Variants in PCIF1 observed in about 807,000 individuals in gnomAD.
The protein encoded by PCIF1 is phosphorylated CTD interacting factor 1.
A neutral mutation model predicts 86.9 loss-of-function variants in PCIF1; 12 were observed. The observed-to-expected ratio is 0.14, with a 90% CI of 0.09 to 0.22. The LOEUF is 0.22. PCIF1 is among the 10% of genes least tolerant of loss of function. The pLI, the probability that PCIF1 is intolerant of heterozygous loss-of-function variation, is 1.00. For synonymous variants in PCIF1, 397 were observed against 372.0 expected, an observed-to-expected ratio of 1.07 and a Z score of -0.77; for missense variants, 701 against 951.1, an observed-to-expected ratio of 0.74 and a Z score of 3.46.
chr20:45,935,193 T>TGCGCGCGC (rs57434270), intron 1 of PCIF1, among the ~76,000 whole-genome samples: 3 of 144,698 alleles, frequency 2.1e-5, no homozygotes, highest in Non-Finnish European at 4.5e-5. Flanking sequence ...GAGGGGAAGG[T>TGCGCGCGC]GCGCGCGCGC....
At chr20:45,935,720 C>T (rs1367051840) in intron 1 of PCIF1, among the ~76,000 whole-genome samples, 1 of 151,938 alleles carries the variant, frequency 6.6e-6, no homozygotes, top group African/African-American at 2.4e-5. Flanking sequence ...ATCCTGTCTC[C>T]CAGTCACTCT....
intron 4 of PCIF1, 152 bp from the exon 5 acceptor site, chr20:45,940,323 A>G: frequency 1.0e-6 from 1 of 965,672 alleles, no homozygotes; most frequent in South Asian, 2.5e-5. Context: ...AGTTGCAGGC[A>G]GGACTGGAGC....
Position 45,943,683 on chromosome 20 carries a change from G to C in PCIF1, c.923G>C (p.Ser308Thr). The part of the protein sequence containing the change: ...LIESRSASPD[S>T]RKVVKWNVED... ...ACTGGCAGGAGTGCATCCCCTGACAGTAGGAAGGTGGTCAAATGGAATGTG... is the reference window on the plus strand; with the variant it reads ...ACTGGCAGGAGTGCATCCCCTGACACTAGGAAGGTGGTCAAATGGAATGTG... The change falls in exon 10 of 17, where the codon AGT becomes ACT. Residue 308 changes from serine to threonine, a missense_variant. Ser to Thr is a moderately conservative substitution (Grantham distance 58). Around this residue, in one of 7 missense-constraint regions of PCIF1, gnomAD observed 129 missense variants for 245.9 expected, o/e 0.52. Transcript: ENST00000372409. The surrounding 1 kb of genome is among the most constrained non-coding windows in gnomAD (Gnocchi z 5.5). 6.4e-7 allele frequency: 1 copy of C among 1,561,568 alleles called. No homozygotes were observed. Among genetic ancestry groups the C allele is most frequent in the Non-Finnish European group, 8.7e-7 (1 of 1,152,172 alleles).
rs2083495506 is a variant in PCIF1 at position 45,943,584 on chromosome 20, G to A, written c.906-82G>A. Reference sequence around the variant, plus strand: ...AGGGCTGTGATGGAAGCTAGGGGTTGATACCCAGCGAGCCCATGGAATTGG... The same window carrying A: ...AGGGCTGTGATGGAAGCTAGGGGTTAATACCCAGCGAGCCCATGGAATTGG... On this transcript the variant is annotated intron_variant, in intron 9 of 16. Transcript: ENST00000372409. The surrounding 1 kb of genome is among the most constrained non-coding windows in gnomAD (Gnocchi z 5.5). 1 of 1,406,406 alleles carries A rather than the reference G, an allele frequency of 7.1e-7. No individual in the cohort carries two copies. Among genetic ancestry groups the A allele is most frequent in the African/African-American group, 1.4e-5 (1 of 70,134 alleles). The allele number at this position is 1,406,406 out of a possible 1,614,324, so 87.1% of individuals were successfully genotyped here.
Position 45,943,539 on chromosome 20 carries a change from C to T in PCIF1, c.905+116C>T. 7.5e-7 allele frequency: 1 copy of T among 1,341,072 alleles called. No individual in the cohort carries two copies. Among genetic ancestry groups the T allele is most frequent in the Non-Finnish European group, 1.0e-6 (1 of 966,928 alleles). The allele number at this position is 1,341,072 out of a possible 1,614,324, so 83.1% of individuals were successfully genotyped here. ...TTGCTCTCGGTGGCAGAAGTGGGGCCAGCTCCCAAAGGCAGAACAAGGGCT... is the reference window on the plus strand; with the variant it reads ...TTGCTCTCGGTGGCAGAAGTGGGGCTAGCTCCCAAAGGCAGAACAAGGGCT... On this transcript the variant is annotated intron_variant, in intron 9 of 16. Transcript: ENST00000372409. The surrounding 1 kb of genome is among the most constrained non-coding windows in gnomAD (Gnocchi z 5.5).
rs1600509898 is a variant in PCIF1 at position 45,946,308 on chromosome 20, G to A, written c.1537G>A (p.Ala513Thr). 5 of 1,613,942 alleles carry A rather than the reference G, an allele frequency of 3.1e-6. No individual in the cohort carries two copies. The highest frequency in any genetic ancestry group is 3.3e-5 in the Admixed American group (2 of 60,006). Residue 513 changes from alanine (A) to threonine (T), a missense_variant, in exon 14 of 17, where the codon GCC (alanine) becomes ACC (threonine). Around this residue, in one of 7 missense-constraint regions of PCIF1, gnomAD observed 61 missense variants for 118.5 expected, o/e 0.51. Transcript: ENST00000372409. ...RLFGVSFECFASPLNCYFRQY... is the reference protein window; with the variant it reads ...RLFGVSFECFTSPLNCYFRQY... ...CTTTGGCGTCAGCTTCGAGTGCTTC[G>A]CCTCACCCCTCAACTGCTACTTCCG...
chr20:45,938,942 G>A (rs550567225), intron 2 of PCIF1, 39 bp from the exon 3 acceptor site: 6 of 1,604,624 alleles, frequency 3.7e-6, no homozygotes, highest in Admixed American at 1.7e-5. Context: ...TGGCGGGTGA[G>A]GGGGTGGAGC....
At chr20:45,944,234 T>C (rs900162986) in intron 10 of PCIF1, among the ~76,000 whole-genome samples, 32 of 152,184 alleles carry the variant, frequency 2.1e-4, no homozygotes, top group African/African-American at 2.4e-5. Flanking sequence ...AGCAATGGGC[T>C]TTCTTTTCAG....
intron 2 of PCIF1, among the ~76,000 whole-genome samples, chr20:45,938,548 A>G (rs2083444366): frequency 6.6e-6 from 1 of 152,194 alleles, no homozygotes; most frequent in South Asian, 2.1e-4. Flanking sequence ...TGAGCACAGG[A>G]GAGAGCTGAA....
At chr20:45,939,938 C>G (rs943812949) in intron 4 of PCIF1, among the ~76,000 whole-genome samples, 1 of 152,150 alleles carries the variant, frequency 6.6e-6, no homozygotes, top group Non-Finnish European at 1.5e-5. Context: ...TGTGAAGACA[C>G]TGAGGTTCAA....
chr20:45,940,971 C>T (rs758126743), intron 6 of PCIF1, 32 bp downstream of exon 6: 1 of 1,613,990 alleles, frequency 6.2e-7, no homozygotes, highest in Admixed American at 1.7e-5. Flanking sequence ...TGGGGGCACC[C>T]ATTGCTAATG....
intron 4 of PCIF1, among the ~76,000 whole-genome samples, chr20:45,939,691 A>G (rs1409736898): frequency 6.6e-6 from 1 of 152,224 alleles, no homozygotes; most frequent in Non-Finnish European, 1.5e-5. Context: ...ATACATCTAG[A>G]TCCTGACATA....
chr20:45,943,069 G>C lies in PCIF1; in HGVS notation c.674-28G>C. On this transcript the variant is annotated intron_variant, in intron 7 of 16. Transcript: ENST00000372409. This position sits in a 1 kb window ranked among gnomAD's most constrained non-coding sequence, Gnocchi z 5.5. The stretch of plus-strand genomic sequence containing the variant: ...AAGTGGGACTGCTTGATTAAATCCA[G>C]GCCTTCAGCAGCTCTCCTGTCCTGC... 1.9e-6 allele frequency: 3 copies of C among 1,608,322 alleles called. No homozygotes were observed. Among genetic ancestry groups the C allele is most frequent in the East Asian group, 2.2e-5 (1 of 44,796 alleles).
intron 1 of PCIF1, among the ~76,000 whole-genome samples, chr20:45,935,043 C>G (rs1332759506): frequency 2.0e-5 from 3 of 151,958 alleles, no homozygotes; most frequent in Admixed American, 2.0e-4. Context: ...GCTGCCGCCG[C>G]CACCGCCTTT....
intron 14 of PCIF1, 121 bp downstream of exon 14, chr20:45,946,505 A>C (rs1174265202): frequency 1.7e-6 from 2 of 1,181,812 alleles, no homozygotes; most frequent in Non-Finnish European, 2.4e-6. Context: ...TCCACCTCTT[A>C]CCGGCTATGT....
At chr20:45,945,162 A>T in intron 11 of PCIF1, 132 bp downstream of exon 11, 1 of 1,111,750 alleles carries the variant, frequency 9.0e-7, no homozygotes, top group Non-Finnish European at 1.2e-6. Context: ...CTTTGGCTGT[A>T]CTTCTCTGGG....
intron 2 of PCIF1, among the ~76,000 whole-genome samples, chr20:45,938,520 G>T (rs2083444246): frequency 6.6e-6 from 1 of 152,172 alleles, no homozygotes; most frequent in Non-Finnish European, 1.5e-5. Context: ...TGCTCCTGTT[G>T]GGTCCAGGTC....
intron 2 of PCIF1, chr20:45,937,849 T>C: frequency 6.0e-6 from 2 of 335,270 alleles, no homozygotes; most frequent in Non-Finnish European, 1.1e-5. Context: ...TGATGGAGTG[T>C]ACAATAAAAT....
intron 2 of PCIF1, among the ~76,000 whole-genome samples, chr20:45,938,436 G>T (rs912621839): frequency 1.3e-5 from 2 of 152,154 alleles, no homozygotes. Flanking sequence ...TGTAGGAATC[G>T]CTTCTCAAGG....
Sources: allele counts gnomAD v4.1 joint callset (sites outside exome capture counted in the v4.1 genomes callset), GRCh38; gene constraint gnomAD v4.1.1; regional missense constraint gnomAD v4.1.1; non-coding constraint Gnocchi (gnomAD v3.1); transcripts MANE v1.5; gene names NCBI Gene and HGNC (gene_info 2026-07-23, HGNC 2026-07-21).